Variants in PDCL2 observed in about 807,000 individuals in gnomAD.
PDCL2 encodes phosducin-like protein 2.
A neutral mutation model predicts 30.3 loss-of-function variants in PDCL2; 23 were observed. That is an observed-to-expected ratio of 0.76 (90% CI 0.55 to 1.08). PDCL2 has a LOEUF of 1.08. Among genes scored for constraint, PDCL2 ranks in the 50% least tolerant of loss-of-function variants. PDCL2 has a pLI of 0.00. For missense variants in PDCL2, 243 were observed against 282.3 expected, an observed-to-expected ratio of 0.86 and a Z score of 1.00; for synonymous variants, 68 against 86.2, an observed-to-expected ratio of 0.79 and a Z score of 1.17.
At chr4:55,562,175 AAGG>A (rs1207222926) in intron 5 of PDCL2, among the ~76,000 whole-genome samples, 6 of 152,200 alleles carry the variant, frequency 3.9e-5, no homozygotes, top group African/African-American at 9.7e-5. Flanking sequence ...GGAGATTCTA[AAGG>A]AGAAGATTCT....
intron 1 of PDCL2, among the ~76,000 whole-genome samples, chr4:55,588,936 C>G (rs1485979527): frequency 6.6e-6 from 1 of 151,506 alleles, no homozygotes; most frequent in African/African-American, 2.4e-5. Flanking sequence ...GGGCTCACTG[C>G]AAGCTCTGCC....
chr4:55,571,580 G>C (rs953075940), intron 3 of PDCL2, among the ~76,000 whole-genome samples: 1 of 65,924 alleles, frequency 1.5e-5, no homozygotes, highest in Non-Finnish European at 2.9e-5. Flanking sequence ...CCAGCTACTC[G>C]GGAGGCTGAG....
intron 1 of PDCL2, among the ~76,000 whole-genome samples, chr4:55,591,412 C>A (rs962153573): frequency 1.3e-5 from 2 of 148,742 alleles, no homozygotes; most frequent in South Asian, 4.5e-4. Context: ...TGTTCTGAGG[C>A]GCAGTCTCAC....
At chr4:55,559,732 A>C (rs1233400347) in intron 5 of PDCL2, among the ~76,000 whole-genome samples, 1 of 152,222 alleles carries the variant, frequency 6.6e-6, no homozygotes, top group Non-Finnish European at 1.5e-5. Flanking sequence ...TATTCACAGT[A>C]CCCAAAAGGT....
At chr4:55,572,634 T>C (rs569695885) in intron 3 of PDCL2, among the ~76,000 whole-genome samples, 7 of 152,332 alleles carry the variant, frequency 4.6e-5, no homozygotes, top group Non-Finnish European at 1.0e-4. Flanking sequence ...GTAACAAGCC[T>C]GCATGTGCAT....
chr4:55,568,105 A>G (rs557527815), intron 4 of PDCL2, among the ~76,000 whole-genome samples: 1 of 152,324 alleles, frequency 6.6e-6, no homozygotes, highest in South Asian at 2.1e-4. Context: ...AATTTGCATA[A>G]ATTGCTCTGT....
chr4:55,581,967 A>G (rs1732726059), intron 2 of PDCL2, 150 bp downstream of exon 2: 1 of 1,033,284 alleles, frequency 9.7e-7, no homozygotes, highest in Non-Finnish European at 1.4e-6. Context: ...TCAGCCTCCC[A>G]AAGTGCTGGG....
chr4:55,590,094 G>A (rs1226777913), intron 1 of PDCL2, among the ~76,000 whole-genome samples: 1 of 149,418 alleles, frequency 6.7e-6, no homozygotes, highest in Admixed American at 6.8e-5. Context: ...CTACTCAGGA[G>A]GCTGAGGCAG....
At chr4:55,566,184 G>A (rs1732263423) in intron 4 of PDCL2, among the ~76,000 whole-genome samples, 1 of 151,602 alleles carries the variant, frequency 6.6e-6, no homozygotes, top group African/African-American at 2.4e-5. Context: ...GTTTTGCCAT[G>A]TTGGCCAGGC....
At chr4:55,585,600 A>G (rs73236153) in intron 1 of PDCL2, among the ~76,000 whole-genome samples, 34,492 of 152,120 alleles carry the variant, frequency 0.23, 4,573 homozygotes, top group South Asian at 0.38. Context: ...TATTTTTGGA[A>G]GAGTTTAAGA....
intron 3 of PDCL2, 106 bp from the exon 4 acceptor site, chr4:55,569,967 T>G (rs896132297): frequency 1.3e-6 from 1 of 742,240 alleles, no homozygotes; most frequent in Admixed American, 3.5e-5. Flanking sequence ...CCTATCCATA[T>G]CAAACACTTT....
intron 3 of PDCL2, among the ~76,000 whole-genome samples, chr4:55,573,138 T>C (rs1053072177): frequency 1.3e-5 from 2 of 152,180 alleles, no homozygotes; most frequent in African/African-American, 4.8e-5. Flanking sequence ...TTACCTTTAT[T>C]GCAATAAAGT....
intron 3 of PDCL2, among the ~76,000 whole-genome samples, chr4:55,575,922 A>G (rs1244994463): frequency 3.3e-5 from 5 of 152,220 alleles, no homozygotes; most frequent in Non-Finnish European, 7.3e-5. Flanking sequence ...CCTGCCTAAA[A>G]AATATGTGAA....
At chr4:55,564,197 T>C (rs888684973) in intron 4 of PDCL2, among the ~76,000 whole-genome samples, 1 of 152,242 alleles carries the variant, frequency 6.6e-6, no homozygotes, top group Non-Finnish European at 1.5e-5. Flanking sequence ...TTTGTCAGAA[T>C]GAAAGCTCAG....
chr4:55,565,578 C>G (rs1286701854), intron 4 of PDCL2, among the ~76,000 whole-genome samples: 20 of 152,148 alleles, frequency 1.3e-4, no homozygotes, highest in Admixed American at 1.3e-3. Flanking sequence ...GATTAAATTA[C>G]CTCCCGCCAT....
At chr4:55,590,459 CAAAAAAAA>C (rs60866606) in intron 1 of PDCL2, among the ~76,000 whole-genome samples, 1 of 95,754 alleles carries the variant, frequency 1.0e-5, no homozygotes, top group Non-Finnish European at 2.0e-5. Flanking sequence ...ATCCTGTCTC[CAAAAAAAA>C]AAAAAAAAAG....
intron 4 of PDCL2, among the ~76,000 whole-genome samples, chr4:55,568,325 G>A (rs1732323088): frequency 6.6e-6 from 1 of 152,152 alleles, no homozygotes; most frequent in South Asian, 2.1e-4. Context: ...GTGAGGCCTA[G>A]GGACAGTGGG....
intron 4 of PDCL2, 63 bp downstream of exon 4, chr4:55,569,655 A>C: frequency 7.4e-7 from 1 of 1,350,636 alleles, no homozygotes; most frequent in South Asian, 1.8e-5. Flanking sequence ...TAAAACCTTA[A>C]AACCAAAAAT....
intron 4 of PDCL2, among the ~76,000 whole-genome samples, chr4:55,567,117 A>G (rs1732288017): frequency 6.6e-6 from 1 of 152,228 alleles, no homozygotes; most frequent in African/African-American, 2.4e-5. Context: ...ATCTACAAGC[A>G]GCATTTACAA....
Sources: gnomAD v4.1 joint callset for allele counts (sites outside exome capture counted in the v4.1 genomes callset) on GRCh38, gnomAD v4.1.1 for gene constraint, MANE v1.5 for transcripts, NCBI Gene and HGNC (gene_info 2026-07-23, HGNC 2026-07-21) for gene names.